CORO1A: variants seen among roughly 807,000 people sequenced by gnomAD.
The protein encoded by CORO1A is coronin-1A.
In CORO1A, 17 loss-of-function variants were observed where a neutral mutation model predicts 44.1. The ratio of observed to expected loss-of-function variants is 0.39; its 90% CI spans 0.26 to 0.58. The LOEUF is 0.58. Ranked by LOEUF, CORO1A falls within the 20% of genes least tolerant of loss-of-function variation. The pLI, the probability that CORO1A is intolerant of heterozygous loss-of-function variation, is 0.62. For synonymous variants in CORO1A, 271 were observed against 244.2 expected, an observed-to-expected ratio of 1.11 and a Z score of -1.02; for missense variants, 415 against 606.5, an observed-to-expected ratio of 0.68 and a Z score of 3.32.
chr16:30,187,478 C>T lies in CORO1A; in HGVS notation c.733C>T (p.Arg245Trp). The T allele has an allele frequency of 1.2e-6, 2 of 1,606,678 alleles. No individual in the cohort carries two copies. The highest frequency in any genetic ancestry group is 1.7e-6 in the Non-Finnish European group (2 of 1,179,884). The change falls in exon 6 of 11, where the codon CGG (arginine) becomes TGG (tryptophan). Residue 245 changes from arginine (R) to tryptophan (W), a missense_variant. By Grantham distance (101) the Arg-to-Trp change is moderately radical. Around this residue, in one of 2 missense-constraint regions of CORO1A, gnomAD observed 325 missense variants for 521.7 expected, o/e 0.62. Coordinates refer to ENST00000219150, the MANE Select transcript of CORO1A (RefSeq NM_007074.4). Reference sequence around the variant, plus strand: ...CACGGGCTTCAGCCGCATGAGTGAGCGGCAGGTGGCGCTGTGGGACACAGT... The same window carrying T: ...CACGGGCTTCAGCCGCATGAGTGAGTGGCAGGTGGCGCTGTGGGACACAGT... ...LTTGFSRMSE[R>W]QVALWDTKHL... is the part of the protein sequence containing the mutation.
chr16:30,187,871 T>C (rs200153667), intron 7 of CORO1A, 42 bp downstream of exon 7: 3 of 1,593,224 alleles, frequency 1.9e-6, no homozygotes, highest in Non-Finnish European at 2.6e-6. Flanking sequence ...GTGGGCAGGA[T>C]GGGCCTGGAG....
Position 30,186,624 on chromosome 16 carries a change from C to T in CORO1A, c.225C>T (p.Pro75=). ...GKTGRVDKNA[P]TVCGHTAPVL... ...CTGGACGTGTGGACAAGAATGCGCC[C>T]ACGGTCTGTGGCCACACAGCCCCTG... Residue 75 remains proline (P), a synonymous_variant, in exon 3 of 11, where the codon CCC becomes CCT. Coordinates refer to ENST00000219150, the MANE Select transcript of CORO1A (RefSeq NM_007074.4). 2 of 1,612,658 alleles carry T rather than the reference C, an allele frequency of 1.2e-6. No individual in the cohort carries two copies. The highest frequency in any genetic ancestry group is 1.7e-6 in the Non-Finnish European group (2 of 1,180,006).
rs1274699035 is a variant in CORO1A at position 30,188,497 on chromosome 16, G to C, written c.1202G>C (p.Ser401Thr). The stretch of plus-strand genomic sequence containing the variant: ...AAGGATGGCTACGTACCCCCAAAGA[G>C]CCGGGAGCTGAGGGTCAACCGGGGC... ...SLKDGYVPPK[S>T]RELRVNRGLD... Residue 401 changes from serine (S) to threonine (T), a missense_variant, in exon 10 of 11, where the codon AGC becomes ACC. Ser to Thr is a moderately conservative substitution (Grantham distance 58). Transcript: ENST00000219150. 1 of 1,613,126 alleles carries C rather than the reference G, an allele frequency of 6.2e-7. No individual in the cohort carries two copies. Among genetic ancestry groups the C allele is most frequent in the Admixed American group, 1.7e-5 (1 of 59,984 alleles).
Position 30,186,863 on chromosome 16 carries a change from C to T in CORO1A, c.369C>T (p.Pro123=), listed in dbSNP as rs200437355. The part of the protein sequence containing the change: ...DGGLMLPLRE[P]VVTLEGHTKR... ...GCCTGATGCTGCCCCTGCGGGAGCC[C>T]GTCGTCACCCTGGAGGGCCACACCA... is the stretch of plus-strand genomic sequence containing the variant. The change falls in exon 4 of 11, where the codon CCC becomes CCT. Residue 123 remains proline (P), a synonymous_variant. Coordinates refer to ENST00000219150, the MANE Select transcript of CORO1A (RefSeq NM_007074.4). 151 of 1,611,954 alleles carry T rather than the reference C, an allele frequency of 9.4e-5. No homozygotes were observed. The highest frequency in any genetic ancestry group is 2.2e-4 in the Admixed American group (13 of 60,006).
In CORO1A at chr16:30,187,217, C is replaced by T. The variant is rs139989282; in HGVS notation, c.630C>T (p.Val210=). 111 of 1,612,354 alleles carry T rather than the reference C, an allele frequency of 6.9e-5. No homozygotes were observed. Among genetic ancestry groups the T allele is most frequent in the African/African-American group, 2.9e-4 (22 of 75,040 alleles). ...TCATCGAGCCCCGCAAAGGCACTGT[C>T]GTAGCTGTGAGTCGCCATCTACCCT... ...VRIIEPRKGT[V]VAEKDRPHEG... The change falls in exon 5 of 11, where the codon GTC becomes GTT. Residue 210 remains valine (V), a synonymous_variant. Coordinates refer to ENST00000219150, the MANE Select transcript of CORO1A (RefSeq NM_007074.4).
intron 10 of CORO1A, 132 bp downstream of exon 10, chr16:30,188,708 G>A: frequency 1.4e-6 from 1 of 720,824 alleles, no homozygotes; most frequent in Non-Finnish European, 2.3e-6. Flanking sequence ...TCAGAACACA[G>A]GTTTCAGATT....
chr16:30,186,589 T>C lies in CORO1A; in HGVS notation c.199-9T>C. 6.2e-7 allele frequency: 1 copy of C among 1,612,218 alleles called. No individual in the cohort carries two copies. Among genetic ancestry groups the C allele is most frequent in the South Asian group, 1.1e-5 (1 of 90,986 alleles). ...CAAAAGCACCTCCAAGGCCCTGCTG[T>C]GCCTTTAGACTGGACGTGTGGACAA... On this transcript the variant is annotated splice_polypyrimidine_tract_variant and intron_variant, in intron 2 of 10. Transcript: ENST00000219150.
At chr16:30,188,125 G>C in intron 8 of CORO1A, 38 bp downstream of exon 8, 1 of 1,613,812 alleles carries the variant, frequency 6.2e-7, no homozygotes, top group Non-Finnish European at 8.5e-7. Flanking sequence ...CATGCTCCTT[G>C]GGCAGTGGGC....
At position 30,186,838 on chromosome 16, in the gene CORO1A, G is replaced by A. The variant is rs1393438655; in HGVS notation, c.344G>A (p.Gly115Asp). The A allele has an allele frequency of 3.1e-6, 5 of 1,611,120 alleles. No homozygotes were observed. The highest frequency in any genetic ancestry group is 2.2e-5 in the East Asian group (1 of 44,878). The change falls in exon 4 of 11, where the codon GGC becomes GAC. Residue 115 changes from glycine (G) to aspartate (D), a missense_variant. Physicochemically the swap from Gly to Asp is moderately conservative, Grantham distance 94. Around this residue, in one of 2 missense-constraint regions of CORO1A, gnomAD observed 325 missense variants for 521.7 expected, o/e 0.62. Transcript: ENST00000219150. ...TVMVWEIPDG[G>D]LMLPLREPVV... is the part of the protein sequence containing the mutation. Reference sequence around the variant, plus strand: ...CAGGTGTGGGAGATCCCAGATGGGGGCCTGATGCTGCCCCTGCGGGAGCCC... The same window carrying A: ...CAGGTGTGGGAGATCCCAGATGGGGACCTGATGCTGCCCCTGCGGGAGCCC...
rs1332778115 is a variant in CORO1A, at chr16:30,183,993, G to A, written c.-2+268G>A. Reference sequence around the variant, plus strand: ...GGCCGGGGGTCAGCACAGTGTCGAGGGCCCGACTCCCCACGGAATTGAGTC... The same window carrying A: ...GGCCGGGGGTCAGCACAGTGTCGAGAGCCCGACTCCCCACGGAATTGAGTC... On this transcript the variant is annotated intron_variant, in intron 1 of 10. Transcript: ENST00000219150. The surrounding 1 kb of genome is among the most constrained non-coding windows in gnomAD (Gnocchi z 5.0). 17 of 152,156 alleles carry A rather than the reference G, an allele frequency of 1.1e-4. No homozygotes were observed. Among genetic ancestry groups the A allele is most frequent in the Admixed American group, 1.1e-3 (17 of 15,262 alleles). The allele number at this position is 152,156 out of a possible 1,614,324, so 9.4% of individuals were successfully genotyped here.
At position 30,188,067 on chromosome 16, in the gene CORO1A, G is replaced by A. The variant is rs1485513447; in HGVS notation, c.987G>A (p.Val329=). The change falls in exon 8 of 11, where the codon GTG becomes GTA. Residue 329 remains valine, a synonymous_variant. Transcript: ENST00000219150. Reference sequence around the variant, plus strand: ...ACATGCCCAAACGTGGCCTGGAGGTGAACAAGTGTGAGATCGCCAGGTGAC... The same window carrying A: ...ACATGCCCAAACGTGGCCTGGAGGTAAACAAGTGTGAGATCGCCAGGTGAC... ...MGYMPKRGLE[V]NKCEIARFYK... The A allele has an allele frequency of 6.2e-7, 1 of 1,613,822 alleles. No individual in the cohort carries two copies. The highest frequency in any genetic ancestry group is 8.5e-7 in the Non-Finnish European group (1 of 1,180,028).
At chr16:30,186,978 G>A (rs781038037) in intron 4 of CORO1A, 33 bp downstream of exon 4, 20 of 1,612,746 alleles carry the variant, frequency 1.2e-5, no homozygotes, top group South Asian at 7.7e-5. Flanking sequence ...GGGGTGGCTC[G>A]TGGCCTGCAG....
rs890401233 is a variant in CORO1A at position 30,185,198 on chromosome 16, T to C, written c.-1-11T>C. On this transcript the variant is annotated splice_polypyrimidine_tract_variant and intron_variant, in intron 1 of 10. Coordinates refer to ENST00000219150, the MANE Select transcript of CORO1A (RefSeq NM_007074.4). ...TGAAGGGAGAAATGCTCTTATGCTG[T>C]GTGCCCCCAGAATGAGCCGGCAGGT... is the stretch of plus-strand genomic sequence containing the variant. The C allele has an allele frequency of 1.9e-6, 3 of 1,613,698 alleles. No homozygotes were observed. Among genetic ancestry groups the C allele is most frequent in the South Asian group, 1.1e-5 (1 of 91,088 alleles).
At position 30,188,185 on chromosome 16, in the gene CORO1A, C is replaced by T; in HGVS notation, c.1008-7C>T. The T allele has an allele frequency of 6.2e-7, 1 of 1,614,126 alleles. No homozygotes were observed. Among genetic ancestry groups the T allele is most frequent in the Non-Finnish European group, 8.5e-7 (1 of 1,180,000 alleles). ...TGTGGGCCCCGCTCACCTTCCCCTTCCCACAGGTTCTACAAGCTGCACGAG... is the reference window on the plus strand; with the variant it reads ...TGTGGGCCCCGCTCACCTTCCCCTTTCCACAGGTTCTACAAGCTGCACGAG... On this transcript the variant is annotated splice_region_variant and splice_polypyrimidine_tract_variant and intron_variant, in intron 8 of 10. Coordinates refer to ENST00000219150, the MANE Select transcript of CORO1A (RefSeq NM_007074.4).
At chr16:30,186,443 GAGA>G (rs1375042096) in intron 2 of CORO1A, 152 bp from the exon 3 acceptor site, 24 of 879,358 alleles carry the variant, frequency 2.7e-5, no homozygotes, top group African/African-American at 6.6e-5. Context: ...ACTGGAACAA[GAGA>G]AGAACAACCC....
Position 30,188,175 on chromosome 16 carries a change from C to T in CORO1A, c.1008-17C>T. 5 of 1,614,072 alleles carry T rather than the reference C, an allele frequency of 3.1e-6. No homozygotes were observed. Among genetic ancestry groups the T allele is most frequent in the Non-Finnish European group, 3.4e-6 (4 of 1,179,976 alleles). ...CCAACCAGACTGTGGGCCCCGCTCA[C>T]CTTCCCCTTCCCACAGGTTCTACAA... On this transcript the variant is annotated splice_polypyrimidine_tract_variant and intron_variant, in intron 8 of 10. Coordinates refer to ENST00000219150, the MANE Select transcript of CORO1A (RefSeq NM_007074.4).
In CORO1A at chr16:30,187,429, C is replaced by T. The variant is rs371077364; in HGVS notation, c.684C>T (p.Phe228=). The T allele has an allele frequency of 1.6e-5, 26 of 1,610,906 alleles. No homozygotes were observed. In the Middle Eastern group the frequency reaches 4.9e-4, roughly 31 times the overall value. Residue 228 remains phenylalanine (F), a synonymous_variant, in exon 6 of 11, where the codon TTC becomes TTT. Coordinates refer to ENST00000219150, the MANE Select transcript of CORO1A (RefSeq NM_007074.4). The part of the protein sequence containing the change: ...HEGTRPVRAV[F]VSEGKILTTG... ...GGACCCGGCCCGTGCGTGCAGTGTT[C>T]GTGTCGGAGGGGAAGATCCTGACCA...
At position 30,184,596 on chromosome 16, in the gene CORO1A, G is replaced by A; in HGVS notation, c.-1-613G>A. On this transcript the variant is annotated intron_variant, in intron 1 of 10. Coordinates refer to ENST00000219150, the MANE Select transcript of CORO1A (RefSeq NM_007074.4). The surrounding 1 kb of genome is among the most constrained non-coding windows in gnomAD (Gnocchi z 4.3). ...CTCTTAAGGGCACCTGCTTTTCTGA[G>A]CGGAGGCGAGAGGCAGAGGTATGGG... The A allele has an allele frequency of 5.9e-6, 1 of 169,690 alleles. No individual in the cohort carries two copies. The highest frequency in any genetic ancestry group is 1.3e-5 in the Non-Finnish European group (1 of 78,006). 10.5% of individuals were successfully genotyped at this position (169,690 alleles called of 1,614,324 possible). A position where few individuals can be genotyped will look rare whatever the true frequency, so the allele number is the denominator to read the frequency against.
At chr16:30,186,554 G>C in intron 2 of CORO1A, 44 bp from the exon 3 acceptor site, 1 of 1,611,272 alleles carries the variant, frequency 6.2e-7, no homozygotes, top group Non-Finnish European at 8.5e-7. Flanking sequence ...GTTGGATTGG[G>C]TTTGGGAGGC....
Sources: allele counts gnomAD v4.1 joint callset, GRCh38; gene constraint gnomAD v4.1.1; regional missense constraint gnomAD v4.1.1; non-coding constraint Gnocchi (gnomAD v3.1); transcripts MANE v1.5; gene names NCBI Gene and HGNC (gene_info 2026-07-23, HGNC 2026-07-21).